Variants in SPOCK1 observed in about 807,000 individuals in gnomAD.
The protein encoded by SPOCK1 is SPARC (osteonectin), cwcv and kazal like domains proteoglycan 1, also known as testican-1.
SPOCK1 carries 23 observed loss-of-function variants against 55.3 expected under a neutral mutation model. That is an observed-to-expected ratio of 0.42 (90% confidence interval 0.30 to 0.59). The LOEUF (loss-of-function observed/expected upper bound fraction) is 0.59. SPOCK1 is among the 20% of genes least tolerant of loss of function. The pLI, the probability that SPOCK1 is intolerant of heterozygous loss-of-function variation, is 0.22. For synonymous variants in SPOCK1, 226 were observed against 221.0 expected, an observed-to-expected ratio of 1.02 and a Z score of -0.20; for missense variants, 499 against 552.5, an observed-to-expected ratio of 0.90 and a Z score of 0.97.
At chr5:137,207,917 T>C (rs1403797113) in intron 3 of SPOCK1, among the ~76,000 whole-genome samples, 1 of 152,116 alleles carries the variant, frequency 6.6e-6, no homozygotes, top group African/African-American at 2.4e-5. Flanking sequence ...GCTCATTCAT[T>C]TATCAACTTA....
intron 2 of SPOCK1, among the ~76,000 whole-genome samples, chr5:137,483,027 G>C (rs1753981022): frequency 6.6e-6 from 1 of 152,188 alleles, no homozygotes; most frequent in African/African-American, 2.4e-5. Context: ...AAACTTCCTT[G>C]AGATATAAAA....
At chr5:137,209,054 G>A (rs952924325) in intron 3 of SPOCK1, among the ~76,000 whole-genome samples, 1 of 152,100 alleles carries the variant, frequency 6.6e-6, no homozygotes, top group Non-Finnish European at 1.5e-5. Context: ...GTAGAACTGG[G>A]ATAATTAAGT....
At chr5:137,212,340 A>T (rs1755633332) in intron 3 of SPOCK1, among the ~76,000 whole-genome samples, 1 of 152,124 alleles carries the variant, frequency 6.6e-6, no homozygotes, top group Non-Finnish European at 1.5e-5. Flanking sequence ...TTAATGCTTC[A>T]GACTAAAAAT....
rs979570147 is a variant in SPOCK1 at position 137,257,057 on chromosome 5, C to T, written c.232+9953G>A. Among the ~76,000 whole-genome samples the T allele has an allele frequency of 3.3e-5, 5 of 152,184 alleles. No individual in the cohort carries two copies. In the East Asian group the frequency reaches 9.6e-4, roughly 29 times the overall value. ...GGTCAGGGCTGCTCTCTGCCAGTGG[C>T]ATGGGTGTTAGTTTGTCCCAGTCCC... On this transcript the variant is annotated intron_variant, in intron 3 of 10. Coordinates refer to ENST00000394945, the MANE Select transcript of SPOCK1 (RefSeq NM_004598.4).
intron 2 of SPOCK1, among the ~76,000 whole-genome samples, chr5:137,387,345 C>T (rs1208128541): frequency 6.6e-6 from 1 of 152,222 alleles, no homozygotes; most frequent in Non-Finnish European, 1.5e-5. Context: ...AAAACCAGCA[C>T]ATGGATGTTT....
intron 4 of SPOCK1, among the ~76,000 whole-genome samples, chr5:137,113,710 C>T (rs1753518502): frequency 1.3e-5 from 2 of 152,094 alleles, no homozygotes; most frequent in Non-Finnish European, 2.9e-5. Flanking sequence ...AAAATGGTAG[C>T]CATTATTACA....
chr5:137,447,627 A>ACCAC (rs33986917), intron 2 of SPOCK1, among the ~76,000 whole-genome samples: 3 of 152,100 alleles, frequency 2.0e-5, no homozygotes, highest in South Asian at 2.1e-4. Context: ...TATATGACCC[A>ACCAC]CACCACCACC....
intron 3 of SPOCK1, among the ~76,000 whole-genome samples, chr5:137,240,843 G>A (rs1260194662): frequency 6.6e-6 from 1 of 152,162 alleles, no homozygotes; most frequent in African/African-American, 2.4e-5. Context: ...AATAGTGTGG[G>A]ACTGGTACTG....
intron 6 of SPOCK1, among the ~76,000 whole-genome samples, chr5:137,058,003 G>A (rs1007923829): frequency 7.2e-5 from 11 of 152,258 alleles, no homozygotes; most frequent in African/African-American, 2.4e-4. Flanking sequence ...AAAAAGACAG[G>A]AGAAAATGTG....
chr5:137,271,567 G>A (rs1213798225), intron 2 of SPOCK1, among the ~76,000 whole-genome samples: 2 of 43,146 alleles, frequency 4.6e-5, no homozygotes, highest in Non-Finnish European at 9.6e-5. Context: ...CATCACAGAT[G>A]ATCATAGCCA....
chr5:137,230,738 T>C (rs1756036342), intron 3 of SPOCK1, among the ~76,000 whole-genome samples: 1 of 152,198 alleles, frequency 6.6e-6, no homozygotes, highest in Admixed American at 6.5e-5. Flanking sequence ...ATCTTTTTAT[T>C]GAATTTTTTT....
At chr5:137,419,933 T>C (rs962133451) in intron 2 of SPOCK1, among the ~76,000 whole-genome samples, 2 of 152,162 alleles carry the variant, frequency 1.3e-5, no homozygotes, top group African/African-American at 4.8e-5. Flanking sequence ...ATATTGGCTG[T>C]GGGTTTGTCA....
chr5:136,995,570 A>G (rs1751025626), intron 6 of SPOCK1, among the ~76,000 whole-genome samples: 1 of 152,236 alleles, frequency 6.6e-6, no homozygotes, highest in East Asian at 1.9e-4. Context: ...ATGGGAAACT[A>G]ATAGCCTCTA....
intron 5 of SPOCK1, among the ~76,000 whole-genome samples, chr5:137,088,414 A>G (rs1186099383): frequency 6.6e-6 from 1 of 152,204 alleles, no homozygotes; most frequent in Non-Finnish European, 1.5e-5. Context: ...AACGATGTCT[A>G]TCTCCCATAT....
At chr5:137,370,097 G>A (rs1751166295) in intron 2 of SPOCK1, among the ~76,000 whole-genome samples, 1 of 152,116 alleles carries the variant, frequency 6.6e-6, no homozygotes, top group African/African-American at 2.4e-5. Context: ...TGCCTAGGGT[G>A]AATGTAGGTA....
At chr5:137,031,565 T>A (rs1454133508) in intron 6 of SPOCK1, among the ~76,000 whole-genome samples, 1 of 152,252 alleles carries the variant, frequency 6.6e-6, no homozygotes, top group Non-Finnish European at 1.5e-5. Context: ...AGCACATTCT[T>A]CCTTGTAAAT....
intron 2 of SPOCK1, chr5:137,273,227 C>G (rs982296798): frequency 7.3e-5 from 19 of 261,976 alleles, no homozygotes; most frequent in Non-Finnish European, 1.1e-4. Flanking sequence ...CTTGGATATA[C>G]CAATGAAAAA....
intron 3 of SPOCK1, among the ~76,000 whole-genome samples, chr5:137,203,681 G>A (rs1755468245): frequency 6.6e-6 from 1 of 152,080 alleles, no homozygotes; most frequent in Non-Finnish European, 1.5e-5. Context: ...GGCATACGGG[G>A]CCACGTAAAT....
At chr5:137,231,416 C>T (rs780656521) in intron 3 of SPOCK1, among the ~76,000 whole-genome samples, 1 of 152,272 alleles carries the variant, frequency 6.6e-6, no homozygotes, top group Admixed American at 6.5e-5. Flanking sequence ...CTATCCCTAA[C>T]CCCTGGCAAC....
Sources: gnomAD v4.1 joint callset for allele counts (sites outside exome capture counted in the v4.1 genomes callset) on GRCh38, gnomAD v4.1.1 for gene constraint, MANE v1.5 for transcripts, NCBI Gene and HGNC (gene_info 2026-07-23, HGNC 2026-07-21) for gene names.